The following ATP8A2 variants were observed in gnomAD, a reference collection of about 807,000 sequenced individuals.
ATP8A2 encodes the protein phospholipid-transporting ATPase IB.
A neutral mutation model predicts 165.6 loss-of-function variants in ATP8A2; 100 were observed. The observed-to-expected ratio is 0.60, with a 90% CI of 0.51 to 0.71. The LOEUF (loss-of-function observed/expected upper bound fraction) is 0.71. ATP8A2 is among the 30% of genes least tolerant of loss of function. The pLI is 0.00. For missense variants in ATP8A2, 1,227 were observed against 1,479.5 expected (o/e 0.83, Z 2.80); for synonymous variants, 543 against 548.8 (o/e 0.99, Z 0.15).
At chr13:25,382,204 T>C (rs2032863623) in intron 1 of ATP8A2, among the ~76,000 whole-genome samples, 1 of 152,250 alleles carries the variant, frequency 6.6e-6, no homozygotes, top group South Asian at 2.1e-4. Flanking sequence ...CCTTTTCAGA[T>C]TGGCTTCTTT....
At chr13:25,936,815 C>T (rs1033981867) in intron 33 of ATP8A2, among the ~76,000 whole-genome samples, 2 of 152,186 alleles carry the variant, frequency 1.3e-5, no homozygotes, top group African/African-American at 4.8e-5. Flanking sequence ...TCAAGCTGCT[C>T]CACTGATGGT....
At chr13:25,549,997 T>C (rs1198706663) in intron 10 of ATP8A2, among the ~76,000 whole-genome samples, 2 of 152,100 alleles carry the variant, frequency 1.3e-5, no homozygotes, top group African/African-American at 4.8e-5. Context: ...GCAAAGTCCC[T>C]TTTGCTGTAT....
In ATP8A2 at chr13:26,025,509, T is replaced by C. The variant is rs1040934594; in HGVS notation, c.*5524T>C. On this transcript the variant is annotated 3_prime_UTR_variant, in exon 37 of 37. Transcript: ENST00000381655. The stretch of plus-strand genomic sequence containing the variant: ...TGGATTGCTTAAATATTGTTTGTGA[T>C]GGGGAGGTTTTAATCTGGTGATGCA... 4 of 152,410 alleles carry C rather than the reference T, an allele frequency of 2.6e-5. No individual in the cohort carries two copies. Among genetic ancestry groups the C allele is most frequent in the Non-Finnish European group, 4.4e-5 (3 of 68,064 alleles). 9.4% of individuals were successfully genotyped at this position (152,410 alleles called of 1,614,324 possible). A position where few individuals can be genotyped will look rare whatever the true frequency, so the allele number is the denominator to read the frequency against.
At chr13:25,822,763 T>A (rs1462868239) in intron 27 of ATP8A2, among the ~76,000 whole-genome samples, 2 of 152,242 alleles carry the variant, frequency 1.3e-5, no homozygotes, top group African/African-American at 4.8e-5. Flanking sequence ...TTCAAATTTG[T>A]CCCTCATTTC....
chr13:25,566,614 G>A (rs191297214), intron 16 of ATP8A2, among the ~76,000 whole-genome samples: 63 of 152,302 alleles, frequency 4.1e-4, no homozygotes, highest in African/African-American at 1.5e-3. Flanking sequence ...TCAACGAGGA[G>A]AAAGTAGCAA....
intron 33 of ATP8A2, among the ~76,000 whole-genome samples, chr13:25,955,687 C>A (rs185760874): frequency 4.3e-4 from 66 of 152,282 alleles, no homozygotes; most frequent in African/African-American, 1.4e-3. Context: ...AGCTGAATTC[C>A]ACCAGAGGTA....
intron 1 of ATP8A2, among the ~76,000 whole-genome samples, chr13:25,417,660 T>C (rs528061389): frequency 3.5e-4 from 53 of 152,316 alleles, no homozygotes; most frequent in Non-Finnish European, 4.4e-4. Context: ...TTATTTACAG[T>C]AGAGATTTCT....
intron 1 of ATP8A2, among the ~76,000 whole-genome samples, chr13:25,440,879 A>G (rs911113122): frequency 6.6e-6 from 1 of 152,174 alleles, no homozygotes; most frequent in Admixed American, 6.5e-5. Context: ...ATATTTTTCA[A>G]TATGTTGAGA....
At chr13:25,464,204 C>G (rs2137493222) in intron 1 of ATP8A2, among the ~76,000 whole-genome samples, 1 of 152,234 alleles carries the variant, frequency 6.6e-6, no homozygotes, top group East Asian at 1.9e-4. Flanking sequence ...TCCTGGGCAC[C>G]TGGTGGTGAT....
At chr13:25,412,833 T>TG (rs903096031) in intron 1 of ATP8A2, among the ~76,000 whole-genome samples, 15 of 151,532 alleles carry the variant, frequency 9.9e-5, no homozygotes, top group Admixed American at 1.3e-4. Flanking sequence ...CAATTTTTTT[T>TG]GGGGGGGGAT....
chr13:25,895,352 T>C (rs912472786), intron 33 of ATP8A2, among the ~76,000 whole-genome samples: 1 of 152,216 alleles, frequency 6.6e-6, no homozygotes, highest in Non-Finnish European at 1.5e-5. Context: ...TTTTCGTATG[T>C]TGAACCAGCC....
chr13:25,920,758 C>CTGAGAAATAAA (rs1405617034), intron 33 of ATP8A2, among the ~76,000 whole-genome samples: 1 of 152,218 alleles, frequency 6.6e-6, no homozygotes, highest in Non-Finnish European at 1.5e-5. Flanking sequence ...CTTTATTTTG[C>CTGAGAAATAAA]TTTTACTTAT....
intron 10 of ATP8A2, among the ~76,000 whole-genome samples, chr13:25,544,957 A>G (rs1351413166): frequency 6.7e-6 from 1 of 149,118 alleles, no homozygotes; most frequent in South Asian, 2.1e-4. Flanking sequence ...ATAAAGGTCT[A>G]GAAGTATTAC....
chr13:25,927,596 C>T (rs1437953308), intron 33 of ATP8A2, among the ~76,000 whole-genome samples: 1 of 152,210 alleles, frequency 6.6e-6, no homozygotes, highest in African/African-American at 2.4e-5. Context: ...AATATTCATA[C>T]GGTCTTATCA....
intron 27 of ATP8A2, among the ~76,000 whole-genome samples, chr13:25,788,049 G>C (rs1264070861): frequency 1.3e-5 from 2 of 152,176 alleles, no homozygotes; most frequent in African/African-American, 2.4e-5. Context: ...CGCTAGCAGA[G>C]AGCAGCATGG....
rs115967800 is a variant in ATP8A2 at position 25,834,563 on chromosome 13, A to G, written c.2755-2600A>G. On this transcript the variant is annotated intron_variant, in intron 28 of 36. Transcript: ENST00000381655. ...CATCCATACTATGAATTATTATGTG[A>G]CCATTAAAAGACTGCATTACCATCA... 8.9e-4 allele frequency among the ~76,000 whole-genome samples: 135 copies of G among 152,358 alleles called. 1 individual carries two copies. The highest frequency in any genetic ancestry group is 2.9e-3 in the African/African-American group (121 of 41,584).
chr13:25,488,923 TCCCTGACAA>T (rs2036434637), intron 2 of ATP8A2, among the ~76,000 whole-genome samples: 1 of 135,678 alleles, frequency 7.4e-6, no homozygotes, highest in South Asian at 2.6e-4. Flanking sequence ...TTTGCATCTT[TCCCTGACAA>T]CCCTGGCTAG....
rs1593735519 is a variant in ATP8A2 at position 26,025,069 on chromosome 13, T to C, written c.*5084T>C. 1 of 125,956 alleles carries C rather than the reference T, an allele frequency of 7.9e-6. No individual in the cohort carries two copies. The highest frequency in any genetic ancestry group is 3.2e-5 in the African/African-American group (1 of 31,472). 7.8% of individuals were successfully genotyped at this position (125,956 alleles called of 1,614,324 possible). ...TGGAGTCTGTTGTATTCTTAAGAGA[T>C]AGCCTGATATGTGGTTTATAGGTGA... On this transcript the variant is annotated 3_prime_UTR_variant, in exon 37 of 37. Coordinates refer to ENST00000381655, the MANE Select transcript of ATP8A2 (RefSeq NM_016529.6).
intron 30 of ATP8A2, among the ~76,000 whole-genome samples, chr13:25,847,019 A>G (rs1333805226): frequency 6.6e-6 from 1 of 152,242 alleles, no homozygotes; most frequent in Non-Finnish European, 1.5e-5. Context: ...AAGATCTAAA[A>G]TAAATTTAAA....
Sources: gnomAD v4.1 joint callset for allele counts (sites outside exome capture counted in the v4.1 genomes callset) on GRCh38, gnomAD v4.1.1 for gene constraint, MANE v1.5 for transcripts, NCBI Gene and HGNC (gene_info 2026-07-23, HGNC 2026-07-21) for gene names.